Variants in KCNC3 observed in about 807,000 individuals in gnomAD.
KCNC3 encodes voltage-gated potassium channel KCNC3.
KCNC3 carries 22 observed loss-of-function variants against 43.9 expected under a neutral mutation model. That is an observed-to-expected ratio of 0.50 (90% CI 0.36 to 0.72). KCNC3 has a LOEUF of 0.72. KCNC3 is among the 30% of genes least tolerant of loss of function. The pLI is 0.00. For synonymous variants in KCNC3, 492 were observed against 488.0 expected, an observed-to-expected ratio of 1.01 and a Z score of -0.11; for missense variants, 829 against 1,073.8, an observed-to-expected ratio of 0.77 and a Z score of 3.19.
chr19:50,332,859 C>T (rs890251291), upstream of KCNC3, among the ~76,000 whole-genome samples: 9 of 152,088 alleles, frequency 5.9e-5, no homozygotes, highest in Admixed American at 2.0e-4. The surrounding 1 kb of genome is among the most constrained non-coding windows in gnomAD (Gnocchi z 5.8). Context: ...CCTCCCTCCC[C>T]CATTACCCCA....
intron 4 of KCNC3, among the ~76,000 whole-genome samples, chr19:50,318,434 C>T (rs1209170179): frequency 6.6e-6 from 1 of 152,186 alleles, no homozygotes; most frequent in African/African-American, 2.4e-5. Context: ...CTCGGCCTCC[C>T]AAAGTGCTGG....
upstream of KCNC3, among the ~76,000 whole-genome samples, chr19:50,331,292 T>C (rs2037186320): frequency 1.2e-5 from 1 of 80,578 alleles, no homozygotes; most frequent in African/African-American, 8.8e-5. Context: ...CTCCCCCGAG[T>C]CTCTTTCTCT....
chr19:50,332,543 C>T (rs537050187), upstream of KCNC3, among the ~76,000 whole-genome samples: 1 of 151,842 alleles, frequency 6.6e-6, no homozygotes, highest in South Asian at 2.1e-4. The surrounding 1 kb of genome is among the most constrained non-coding windows in gnomAD (Gnocchi z 5.8). Context: ...CTCCACAGAC[C>T]CCACCAGGGT....
Position 50,323,029 on chromosome 19 carries a change from G to C in KCNC3, c.1924C>G (p.Pro642Ala), listed in dbSNP as rs969082050. 1.2e-5 allele frequency: 19 copies of C among 1,545,738 alleles called. No individual in the cohort carries two copies. In the African/African-American group the frequency reaches 2.1e-4, roughly 17 times the overall value. ...GIMGLPPLPA[P>A]GEPCPLAQEE... ...TGAGCCAACGGGCAAGGCTCGCCGGGGGCTGGCAGAGGAGGCAGCCCCATG... is the reference window on the plus strand; with the variant it reads ...TGAGCCAACGGGCAAGGCTCGCCGGCGGCTGGCAGAGGAGGCAGCCCCATG... Residue 642 changes from proline (P) to alanine (A), a missense_variant, in exon 2 of 5, where the codon CCC becomes GCC. By Grantham distance (27) the Pro-to-Ala change is conservative (BLOSUM62 -1). Transcript: ENST00000477616.
upstream of KCNC3, among the ~76,000 whole-genome samples, chr19:50,331,447 G>C (rs1190796012): frequency 6.6e-6 from 1 of 150,732 alleles, no homozygotes; most frequent in Admixed American, 6.6e-5. Flanking sequence ...CCTTTCATCT[G>C]AGTCTGTCTC....
At position 50,328,954 on chromosome 19, in the gene KCNC3, A is replaced by C; in HGVS notation, c.129T>G (p.Pro43=). Residue 43 remains proline (P), a synonymous_variant, in exon 1 of 5, where the codon CCT becomes CCG. Transcript: ENST00000477616. ...PPPLPPQQQQ[P]AQPGPAASPA... is the part of the protein sequence containing the mutation. ...GGGACGCGGCGGGGCCGGGCTGCGC[A>C]GGCTGCTGCTGCTGCGGCGGCAGCG... 1 of 882,062 alleles carries C rather than the reference A, an allele frequency of 1.1e-6. No homozygotes were observed. The highest frequency in any genetic ancestry group is 1.4e-6 in the Non-Finnish European group (1 of 718,498). The allele number at this position is 882,062 out of a possible 1,614,324, so 54.6% of individuals were successfully genotyped here.
At position 50,323,046 on chromosome 19, in the gene KCNC3, A is replaced by G; in HGVS notation, c.1907T>C (p.Leu636Pro). ...CTCGCCGGGGGCTGGCAGAGGAGGC[A>G]GCCCCATGATCCCCAGCCCACCCGC... ...GGAGGLGIMG[L>P]PPLPAPGEPC... The change falls in exon 2 of 5, where the codon CTG becomes CCG. Residue 636 changes from leucine to proline, a missense_variant. Leu to Pro is a moderately conservative substitution (Grantham distance 98, BLOSUM62 -3). This residue lies in a region of KCNC3 where 308 missense variants were observed against 276.2 expected (regional missense o/e 1.11). Transcript: ENST00000477616. 1 of 1,543,528 alleles carries G rather than the reference A, an allele frequency of 6.5e-7. No homozygotes were observed. Among genetic ancestry groups the G allele is most frequent in the Non-Finnish European group, 8.7e-7 (1 of 1,144,524 alleles).
In KCNC3 at chr19:50,328,264, C is replaced by A; in HGVS notation, c.819G>T (p.Gln273His). ...CCTCGAAGAGCGCCCACACGCGGGG[C>A]TGCCAGCGGCGCCACCATGTGCCGC... ...GAGGTWWRRW[Q>H]PRVWALFEDP... is the part of the protein sequence containing the mutation. Residue 273 changes from glutamine to histidine, a missense_variant, in exon 1 of 5, where the codon CAG becomes CAT. Around this residue, in one of 7 missense-constraint regions of KCNC3, gnomAD observed 157 missense variants for 293.5 expected, o/e 0.53. Coordinates refer to ENST00000477616, the MANE Select transcript of KCNC3 (RefSeq NM_004977.3). 8.4e-7 allele frequency: 1 copy of A among 1,193,326 alleles called. No individual in the cohort carries two copies. The highest frequency in any genetic ancestry group is 1.0e-6 in the Non-Finnish European group (1 of 964,502). 73.9% of individuals were successfully genotyped at this position (1,193,326 alleles called of 1,614,324 possible).
At position 50,323,020 on chromosome 19, in the gene KCNC3, G is replaced by T; in HGVS notation, c.1933C>A (p.Pro645Thr). 6.5e-7 allele frequency: 1 copy of T among 1,546,952 alleles called. No homozygotes were observed. The highest frequency in any genetic ancestry group is 2.4e-5 in the East Asian group (1 of 40,908). The change falls in exon 2 of 5, where the codon CCT becomes ACT. Residue 645 changes from proline to threonine, a missense_variant. Around this residue, in one of 7 missense-constraint regions of KCNC3, gnomAD observed 308 missense variants for 276.2 expected, o/e 1.11. Transcript: ENST00000477616. ...GLPPLPAPGE[P>T]CPLAQEEVIE... ...ACCTCCTCCTGAGCCAACGGGCAAG[G>T]CTCGCCGGGGGCTGGCAGAGGAGGC...
intron 2 of KCNC3, 66 bp from the exon 3 acceptor site, chr19:50,320,850 G>C: frequency 6.7e-7 from 1 of 1,500,328 alleles, no homozygotes; most frequent in Non-Finnish European, 9.2e-7. Context: ...CACGCGGTGG[G>C]GCAAGATGTC....
At chr19:50,320,570 G>C (rs750115221) in intron 3 of KCNC3, 23 bp downstream of exon 3, 1 of 1,603,466 alleles carries the variant, frequency 6.2e-7, no homozygotes, top group Non-Finnish European at 8.5e-7. Context: ...GGTCCCAGGG[G>C]ATCAGTAGGG....
At position 50,314,632 on chromosome 19, in the gene KCNC3, G is replaced by A. The variant is rs560681273; in HGVS notation, c.*1483C>T. Reference sequence around the variant, plus strand: ...ACCTGAGAAGGCTTTTTTTGGGGAGGGAAGAGTTGGGGGGACGGGCTGTGG... The same window carrying A: ...ACCTGAGAAGGCTTTTTTTGGGGAGAGAAGAGTTGGGGGGACGGGCTGTGG... On this transcript the variant is annotated 3_prime_UTR_variant, in exon 5 of 5. Transcript: ENST00000477616. 34 of 337,804 alleles carry A rather than the reference G, an allele frequency of 1.0e-4. No individual in the cohort carries two copies. Among genetic ancestry groups the A allele is most frequent in the African/African-American group, 7.3e-4 (32 of 43,916 alleles). The allele number at this position is 337,804 out of a possible 1,614,324, so 20.9% of individuals were successfully genotyped here. A position where few individuals can be genotyped will look rare whatever the true frequency, so the allele number is the denominator to read the frequency against.
At position 50,326,295 on chromosome 19, in the gene KCNC3, CAATGGGG is replaced by C. The variant is rs1391905456; in HGVS notation, c.870+1911_870+1917del. ...TCCCGCTCCTCATCTCAGCACCCTT[CAATGGGG>C]TCACAGGAGAGAAGGGCGCCCCGGC... On this transcript the variant is annotated intron_variant, in intron 1 of 4. Transcript: ENST00000477616. Among the ~76,000 whole-genome samples, 8 of 152,350 alleles carry C rather than the reference CAATGGGG, an allele frequency of 5.3e-5. No individual in the cohort carries two copies. The East Asian group carries it at 1.5e-3, about 29-fold the overall frequency.
At chr19:50,326,621 T>C (rs1247647501) in intron 1 of KCNC3, among the ~76,000 whole-genome samples, 2 of 151,942 alleles carry the variant, frequency 1.3e-5, no homozygotes, top group African/African-American at 2.4e-5. Context: ...GGTCTTGGGA[T>C]CGCTCTTATT....
upstream of KCNC3, among the ~76,000 whole-genome samples, chr19:50,331,274 C>A (rs3810274): frequency 8.1e-6 from 1 of 124,164 alleles, no homozygotes; most frequent in Non-Finnish European, 1.6e-5. Flanking sequence ...CCCGCCCCCC[C>A]ACCCCAGCTC....
chr19:50,323,683 T>C lies in KCNC3; in HGVS notation c.1270A>G (p.Ile424Val). 1 of 1,614,146 alleles carries C rather than the reference T, an allele frequency of 6.2e-7. No homozygotes were observed. The highest frequency in any genetic ancestry group is 8.5e-7 in the Non-Finnish European group (1 of 1,180,040). Residue 424 changes from isoleucine to valine, a missense_variant, in exon 2 of 5, where the codon ATC becomes GTC. Ile to Val is a conservative substitution (Grantham distance 29). Coordinates refer to ENST00000477616, the MANE Select transcript of KCNC3 (RefSeq NM_004977.3). ...RVVRFVRILR[I>V]FKLTRHFVGL... Reference sequence around the variant, plus strand: ...ACGAAGTGCCGGGTCAGCTTGAAGATGCGCAGGATGCGGACGAAGCGGACC... The same window carrying C: ...ACGAAGTGCCGGGTCAGCTTGAAGACGCGCAGGATGCGGACGAAGCGGACC...
At chr19:50,330,408 C>A (rs993217489), upstream of KCNC3, among the ~76,000 whole-genome samples, 6 of 151,870 alleles carry the variant, frequency 4.0e-5, no homozygotes, top group Non-Finnish European at 7.4e-5. Flanking sequence ...GGTAGAGGAA[C>A]GGGAGAGGTG....
Position 50,323,860 on chromosome 19 carries a change from T to G in KCNC3, c.1093A>C (p.Met365Leu). 6.2e-7 allele frequency: 1 copy of G among 1,614,162 alleles called. No homozygotes were observed. Among genetic ancestry groups the G allele is most frequent in the Non-Finnish European group, 8.5e-7 (1 of 1,180,026 alleles). Reference protein sequence around the residue: ...CVVWFTFEFLMRITFCPDKVE... With the variant: ...CVVWFTFEFLLRITFCPDKVE... ...TTGTCTGGGCAGAAGGTGATGCGCA[T>G]GAGGAACTCGAAGGTGAACCAGACC... The change falls in exon 2 of 5, where the codon ATG becomes CTG. Residue 365 changes from methionine (M) to leucine (L), a missense_variant. This residue lies in a region of KCNC3 where 157 missense variants were observed against 293.5 expected (regional missense o/e 0.53). Transcript: ENST00000477616.
rs767506856 is a variant in KCNC3, at chr19:50,320,225, C to T, written c.*21G>A. On this transcript the variant is annotated splice_region_variant and 3_prime_UTR_variant, in exon 4 of 5. Transcript: ENST00000477616. ...ATCAGAGGGTGGGGGCTACTTACCC[C>T]GGGGGGAGGGGGTTCGTCCACTAGG... 2.0e-4 allele frequency: 57 copies of T among 292,174 alleles called. No homozygotes were observed. Among genetic ancestry groups the T allele is most frequent in the Admixed American group, 7.3e-4 (8 of 11,014 alleles). The allele number at this position is 292,174 out of a possible 1,614,324, so 18.1% of individuals were successfully genotyped here.
Sources: gnomAD v4.1 joint callset for allele counts (sites outside exome capture counted in the v4.1 genomes callset) on GRCh38, gnomAD v4.1.1 for gene constraint, gnomAD v4.1.1 regional missense constraint, Gnocchi (gnomAD v3.1) non-coding constraint, MANE v1.5 for transcripts, NCBI Gene and HGNC (gene_info 2026-07-23, HGNC 2026-07-21) for gene names.